Variants in GALNT18 observed in about 807,000 individuals in gnomAD.
GALNT18 encodes the protein GalNAc-transferase 18.
Under a neutral mutation model 69.5 loss-of-function variants are expected in GALNT18, and 44 were observed. The observed-to-expected ratio is 0.63, with a 90% confidence interval of 0.50 to 0.81. The LOEUF is 0.81. GALNT18 is among the 40% of genes least tolerant of loss of function. GALNT18 has a pLI of 0.00. For missense variants in GALNT18, 715 were observed against 810.0 expected (o/e 0.88, Z 1.42); for synonymous variants, 364 against 318.2 (o/e 1.14, Z -1.53).
intron 7 of GALNT18, among the ~76,000 whole-genome samples, chr11:11,335,915 C>T (rs1850103609): frequency 6.6e-6 from 1 of 152,194 alleles, no homozygotes; most frequent in African/African-American, 2.4e-5. Context: ...TGTTAGACTT[C>T]TGGCTTCCAG....
chr11:11,489,754 T>C (rs1252978775), intron 1 of GALNT18, among the ~76,000 whole-genome samples: 1 of 152,236 alleles, frequency 6.6e-6, no homozygotes, highest in Non-Finnish European at 1.5e-5. Flanking sequence ...AACGAGCATA[T>C]GTGTTAACTC....
chr11:11,471,873 A>G (rs893247618), intron 1 of GALNT18, among the ~76,000 whole-genome samples: 21 of 152,210 alleles, frequency 1.4e-4, no homozygotes, highest in African/African-American at 4.8e-4. Flanking sequence ...TGACAAATCA[A>G]ACAGCTTTGC....
chr11:11,278,501 C>G (rs1848996345), intron 10 of GALNT18, among the ~76,000 whole-genome samples: 1 of 151,336 alleles, frequency 6.6e-6, no homozygotes, highest in Non-Finnish European at 1.5e-5. Flanking sequence ...TACCCCAGAA[C>G]TTATAGTATA....
In GALNT18 at chr11:11,456,881, A is replaced by G. The variant is rs113230292; in HGVS notation, c.236-7945T>C. ...GATATGCCCACAGTGCCTGACACAC[A>G]GCCCATTGATAAGAGTGGAGCTTAC... On this transcript the variant is annotated intron_variant, in intron 1 of 10. Coordinates refer to ENST00000227756, the MANE Select transcript of GALNT18 (RefSeq NM_198516.3). Among the ~76,000 whole-genome samples, 606 of 152,342 alleles carry G rather than the reference A, an allele frequency of 4.0e-3. 1 individual carries two copies. The highest frequency in any genetic ancestry group is 0.013 in the African/African-American group (523 of 41,588).
chr11:11,524,808 G>A lies in GALNT18; in HGVS notation c.236-75872C>T, dbSNP rs542046060. Among the ~76,000 whole-genome samples the A allele has an allele frequency of 1.8e-3, 280 of 152,360 alleles. 4 individuals are homozygous for A. The highest frequency in any genetic ancestry group is 6.6e-3 in the African/African-American group (274 of 41,576). On this transcript the variant is annotated intron_variant, in intron 1 of 10. Transcript: ENST00000227756. ...CCATACCATTGTCTAGTGAACAAACGAAATGTATAAGTAAATAGGACTCAG... is the reference window on the plus strand; with the variant it reads ...CCATACCATTGTCTAGTGAACAAACAAAATGTATAAGTAAATAGGACTCAG...
chr11:11,353,173 A>C lies in GALNT18; in HGVS notation c.1093-12169T>G, dbSNP rs1280066938. On this transcript the variant is annotated intron_variant, in intron 6 of 10. Transcript: ENST00000227756. ...CTTGATGTTTGGAGATCTGGCAGTC[A>C]CTGTGTTCAGAAGCAGCTTGGGGGT... 42 of 1,606,050 alleles carry C rather than the reference A, an allele frequency of 2.6e-5. No individual in the cohort carries two copies. The Admixed American group carries it at 3.5e-4, about 13-fold the overall frequency.
chr11:11,551,961 G>T (rs1488535594), intron 1 of GALNT18, among the ~76,000 whole-genome samples: 3 of 152,214 alleles, frequency 2.0e-5, no homozygotes, highest in Non-Finnish European at 4.4e-5. Flanking sequence ...ACATTGATCA[G>T]TTAAGGGTTG....
In GALNT18 at chr11:11,389,550, A is replaced by T. The variant is rs1854132975; in HGVS notation, c.596-10286T>A. The stretch of plus-strand genomic sequence containing the variant: ...CTACTCCTGCTACTCTGAGGAGGGT[A>T]TGCAGCAGGAATCACAGGACTTACT... On this transcript the variant is annotated intron_variant, in intron 3 of 10. Coordinates refer to ENST00000227756, the MANE Select transcript of GALNT18 (RefSeq NM_198516.3). This position sits in a 1 kb window ranked among gnomAD's most constrained non-coding sequence, Gnocchi z 4.3. Among the ~76,000 whole-genome samples, 1 of 152,226 alleles carries T rather than the reference A, an allele frequency of 6.6e-6. No individual in the cohort carries two copies. The highest frequency in any genetic ancestry group is 2.4e-5 in the African/African-American group (1 of 41,454).
intron 9 of GALNT18, among the ~76,000 whole-genome samples, chr11:11,308,438 C>T (rs1192519824): frequency 1.3e-5 from 2 of 152,130 alleles, no homozygotes; most frequent in African/African-American, 4.8e-5. Flanking sequence ...TTGACCTTCC[C>T]TTCCTTGCCC....
At chr11:11,608,164 C>A (rs746036025) in intron 1 of GALNT18, among the ~76,000 whole-genome samples, 1 of 152,108 alleles carries the variant, frequency 6.6e-6, no homozygotes, top group Non-Finnish European at 1.5e-5. Flanking sequence ...AAAGTCCCAA[C>A]TAATTGCAAT....
Position 11,415,095 on chromosome 11 carries a change from G to A in GALNT18, c.595+17526C>T, listed in dbSNP as rs957603213. Among the ~76,000 whole-genome samples the A allele has an allele frequency of 1.3e-5, 2 of 152,190 alleles. No homozygotes were observed. The highest frequency in any genetic ancestry group is 2.4e-5 in the African/African-American group (1 of 41,446). On this transcript the variant is annotated intron_variant, in intron 3 of 10. Transcript: ENST00000227756. The surrounding 1 kb of genome is among the most constrained non-coding windows in gnomAD (Gnocchi z 4.1). ...AGGCTGCCCAATCTCCTTGCCGCAT[G>A]GACAGTTCACAGCATGGGTCTCTTC...
At chr11:11,504,004 T>A (rs1463439759) in intron 1 of GALNT18, among the ~76,000 whole-genome samples, 1 of 152,158 alleles carries the variant, frequency 6.6e-6, no homozygotes, top group East Asian at 1.9e-4. Context: ...CATTATCTTT[T>A]AAAAAAATGA....
intron 3 of GALNT18, among the ~76,000 whole-genome samples, chr11:11,395,138 G>T (rs571700413): frequency 1.3e-5 from 2 of 152,332 alleles, no homozygotes; most frequent in South Asian, 2.1e-4. Flanking sequence ...TTTAAGTAAG[G>T]TTCAGGCCCT....
Position 11,413,347 on chromosome 11 carries a change from G to T in GALNT18, c.595+19274C>A, listed in dbSNP as rs1011889609. On this transcript the variant is annotated intron_variant, in intron 3 of 10. Transcript: ENST00000227756. The surrounding 1 kb of genome is among the most constrained non-coding windows in gnomAD (Gnocchi z 4.7). ...AGTCTGGCCAAACATCCCTCTGGAGGTGCAGATGCCCCATTAGGACTCAGA... is the reference window on the plus strand; with the variant it reads ...AGTCTGGCCAAACATCCCTCTGGAGTTGCAGATGCCCCATTAGGACTCAGA... 1.3e-5 allele frequency among the ~76,000 whole-genome samples: 2 copies of T among 152,174 alleles called. No homozygotes were observed.
At chr11:11,394,695 C>A (rs1035317047) in intron 3 of GALNT18, among the ~76,000 whole-genome samples, 2 of 152,242 alleles carry the variant, frequency 1.3e-5, no homozygotes, top group Admixed American at 6.5e-5. Flanking sequence ...AGGTCTCTAA[C>A]AAGGGCCCTG....
At chr11:11,492,875 C>T (rs1336887988) in intron 1 of GALNT18, among the ~76,000 whole-genome samples, 2 of 151,898 alleles carry the variant, frequency 1.3e-5, no homozygotes, top group African/African-American at 4.8e-5. Flanking sequence ...TAACAAACCA[C>T]GTTCTGCACA....
chr11:11,615,932 T>C (rs1860033087), intron 1 of GALNT18, among the ~76,000 whole-genome samples: 1 of 152,212 alleles, frequency 6.6e-6, no homozygotes, highest in South Asian at 2.1e-4. Flanking sequence ...AGGCAAAATA[T>C]TTATGTATCA....
chr11:11,554,232 T>A (rs1858274208), intron 1 of GALNT18, among the ~76,000 whole-genome samples: 2 of 152,142 alleles, frequency 1.3e-5, no homozygotes, highest in African/African-American at 4.8e-5. Context: ...GTCCTGCCAA[T>A]GCCCTTCCTT....
intron 1 of GALNT18, among the ~76,000 whole-genome samples, chr11:11,467,593 C>T (rs1249962326): frequency 6.6e-6 from 1 of 152,216 alleles, no homozygotes; most frequent in African/African-American, 2.4e-5. Flanking sequence ...CCCACACGCT[C>T]ATGCATTGTG....
Sources: gnomAD v4.1 joint callset for allele counts (sites outside exome capture counted in the v4.1 genomes callset) on GRCh38, gnomAD v4.1.1 for gene constraint, Gnocchi (gnomAD v3.1) non-coding constraint, MANE v1.5 for transcripts, NCBI Gene and HGNC (gene_info 2026-07-23, HGNC 2026-07-21) for gene names.